The following NXPE2 variants were observed in gnomAD, a reference collection of about 807,000 sequenced individuals.
NXPE2 encodes the protein NXPE family member 2.
A neutral mutation model predicts 34.4 loss-of-function variants in NXPE2; 34 were observed. The ratio of observed to expected loss-of-function variants is 0.99; its 90% confidence interval spans 0.75 to 1.31. The LOEUF (loss-of-function observed/expected upper bound fraction) is 1.31. Among genes scored for constraint, NXPE2 ranks in the 40% most tolerant of loss-of-function variants. The pLI is 0.00. For missense variants in NXPE2, 649 were observed against 672.5 expected (o/e 0.97, Z 0.39); for synonymous variants, 235 against 231.3 (o/e 1.02, Z -0.15).
chr11:114,731,881 A>G, the NXPE2 span, among the ~76,000 whole-genome samples: 2 of 152,252 alleles, frequency 1.3e-5, no homozygotes, highest in Middle Eastern at 3.4e-3. Context: ...CCATTGGGGG[A>G]AACTGGGTAA....
chr11:114,473,040 A>C, the NXPE2 span, among the ~76,000 whole-genome samples: 1 of 152,294 alleles, frequency 6.6e-6, no homozygotes, highest in East Asian at 1.9e-4. Flanking sequence ...CTATAACTGA[A>C]TAATAACAGA....
At chr11:114,736,201 T>G in the NXPE2 span, among the ~76,000 whole-genome samples, 1 of 152,334 alleles carries the variant, frequency 6.6e-6, no homozygotes, top group African/African-American at 2.4e-5. Flanking sequence ...TGATAACATC[T>G]TATCAGGAGA....
At chr11:114,578,752 A>T in the NXPE2 span, among the ~76,000 whole-genome samples, 21 of 152,314 alleles carry the variant, frequency 1.4e-4, no homozygotes, top group Admixed American at 5.9e-4. Context: ...TGAGATGGCT[A>T]AGGTCTACTA....
the NXPE2 span, among the ~76,000 whole-genome samples, chr11:114,767,966 T>C: frequency 6.6e-6 from 1 of 152,144 alleles, no homozygotes; most frequent in African/African-American, 2.4e-5. Context: ...ATCTGTAAAG[T>C]GGACATAATA....
At chr11:114,519,968 T>TCGCCTCCCGGGTTCACGCTATTCACC in the NXPE2 span, among the ~76,000 whole-genome samples, 1 of 117,234 alleles carries the variant, frequency 8.5e-6, no homozygotes, top group Admixed American at 8.5e-5. Flanking sequence ...CTCGGCGAGC[T>TCGCCTCCCGGGTTCACGCTATTCACC]TGCCCGCTAA....
chr11:114,669,927 A>G, the NXPE2 span, among the ~76,000 whole-genome samples: 1 of 152,052 alleles, frequency 6.6e-6, no homozygotes, highest in Non-Finnish European at 1.5e-5. Flanking sequence ...GCAAAAATTC[A>G]AAACATTGCA....
chr11:114,576,373 T>C, the NXPE2 span, among the ~76,000 whole-genome samples: 2 of 151,978 alleles, frequency 1.3e-5, no homozygotes, highest in African/African-American at 4.8e-5. Flanking sequence ...AACTAAAAAC[T>C]TCTGCATAGC....
the NXPE2 span, among the ~76,000 whole-genome samples, chr11:114,747,470 A>G: frequency 1.3e-5 from 2 of 151,916 alleles, no homozygotes; most frequent in Non-Finnish European, 2.9e-5. Flanking sequence ...TTATATTGCT[A>G]TAAAGAATGA....
the NXPE2 span, among the ~76,000 whole-genome samples, chr11:114,606,394 C>T: frequency 6.6e-6 from 1 of 151,894 alleles, no homozygotes; most frequent in Non-Finnish European, 1.5e-5. Flanking sequence ...CATGGGTAAC[C>T]ACTGTTACCC....
the NXPE2 span, among the ~76,000 whole-genome samples, chr11:114,564,280 G>A: frequency 1.3e-5 from 2 of 152,112 alleles, no homozygotes; most frequent in African/African-American, 4.8e-5. Flanking sequence ...GGCATAAAAA[G>A]TGATCCAGTG....
chr11:114,571,237 C>T, the NXPE2 span: 5 of 1,614,026 alleles, frequency 3.1e-6, no homozygotes, highest in Non-Finnish European at 4.2e-6. Flanking sequence ...CGGATAAAAA[C>T]ATCAATGGGA....
chr11:114,695,358 A>G (rs1005008784), intron 2 of NXPE2, among the ~76,000 whole-genome samples: 1 of 152,164 alleles, frequency 6.6e-6, no homozygotes, highest in African/African-American at 2.4e-5. Flanking sequence ...TGTGCCCTTA[A>G]ATCGTGACCT....
the NXPE2 span, among the ~76,000 whole-genome samples, chr11:114,485,267 G>A: frequency 6.6e-6 from 1 of 151,710 alleles, no homozygotes; most frequent in Non-Finnish European, 1.5e-5. Context: ...GGAGTGTAGT[G>A]GCACGATCTT....
At chr11:114,695,235 C>T (rs2135554580) in intron 2 of NXPE2, among the ~76,000 whole-genome samples, 1 of 152,250 alleles carries the variant, frequency 6.6e-6, no homozygotes, top group African/African-American at 2.4e-5. Flanking sequence ...GCTTGCAGTG[C>T]TTTTTGCTAT....
the NXPE2 span, chr11:114,583,479 T>C: frequency 1.5e-6 from 1 of 651,390 alleles, no homozygotes; most frequent in Non-Finnish European, 2.9e-6. Context: ...ATTAAATTCT[T>C]GTGCTCCATC....
chr11:114,668,026 C>T, the NXPE2 span, among the ~76,000 whole-genome samples: 132 of 151,944 alleles, frequency 8.7e-4, no homozygotes, highest in African/African-American at 3.1e-3. Context: ...TGAGGTTCTA[C>T]AGGTACACAC....
At chr11:114,775,864 GAAAAAACAAAAAAACGAAAAA>G in the NXPE2 span, among the ~76,000 whole-genome samples, 5 of 106,872 alleles carry the variant, frequency 4.7e-5, no homozygotes, top group East Asian at 1.1e-3. Context: ...TGGAAGAAAA[GAAAAAACAAAAAAACGAAAAA>G]AAAAAACAAA....
At chr11:114,700,569 A>C (rs915440588) in intron 3 of NXPE2, among the ~76,000 whole-genome samples, 1 of 152,148 alleles carries the variant, frequency 6.6e-6, no homozygotes, top group Non-Finnish European at 1.5e-5. Flanking sequence ...GGGCCTTAGA[A>C]GTCATCTATG....
chr11:114,474,587 G>A, the NXPE2 span, among the ~76,000 whole-genome samples: 11 of 152,128 alleles, frequency 7.2e-5, no homozygotes, highest in Admixed American at 3.9e-4. Context: ...TTTGATGAGA[G>A]CAGTTCTGGT....
Sources: gnomAD v4.1 joint callset for allele counts (sites outside exome capture counted in the v4.1 genomes callset) on GRCh38, gnomAD v4.1.1 for gene constraint, MANE v1.5 for transcripts, NCBI Gene and HGNC (gene_info 2026-07-23, HGNC 2026-07-21) for gene names.